Variants in MICU1 observed in about 807,000 individuals in gnomAD.
The protein encoded by MICU1 is calcium uptake protein 1, mitochondrial.
MICU1 carries 45 observed loss-of-function variants against 56.8 expected under a neutral mutation model. The observed-to-expected ratio is 0.79, with a 90% CI of 0.62 to 1.02. The LOEUF is 1.02. Among genes scored for constraint, MICU1 ranks in the 50% least tolerant of loss-of-function variants. The pLI, the probability that MICU1 is intolerant of heterozygous loss-of-function variation, is 0.00. For synonymous variants in MICU1, 186 were observed against 195.1 expected, an observed-to-expected ratio of 0.95 and a Z score of 0.39; for missense variants, 504 against 587.1, an observed-to-expected ratio of 0.86 and a Z score of 1.46.
At chr10:72,370,145 G>A (rs1182939089) in intron 11 of MICU1, among the ~76,000 whole-genome samples, 2 of 152,018 alleles carry the variant, frequency 1.3e-5, no homozygotes, top group African/African-American at 4.8e-5. Flanking sequence ...CCAAAGTGCT[G>A]GATTACAGGC....
rs761737913 is a variant in MICU1, at chr10:72,508,194, A to T, written c.613T>A (p.Ser205Thr). 8 of 1,550,448 alleles carry T rather than the reference A, an allele frequency of 5.2e-6. No homozygotes were observed. The highest frequency in any genetic ancestry group is 1.7e-4 in the Middle Eastern group (1 of 5,822). ...FYTLGECGLI[S>T]FSDYIFLTTV... Reference sequence around the variant, plus strand: ...GTGAGGAAAATGTAGTCTGAAAAGGATATGAGCCCACATTCTCCAAGGGTG... The same window carrying T: ...GTGAGGAAAATGTAGTCTGAAAAGGTTATGAGCCCACATTCTCCAAGGGTG... Residue 205 changes from serine to threonine, a missense_variant, in exon 6 of 12, where the codon TCC becomes ACC. Transcript: ENST00000361114.
chr10:72,532,296 C>A (rs183798927), intron 5 of MICU1, among the ~76,000 whole-genome samples: 3 of 150,770 alleles, frequency 2.0e-5, no homozygotes. Context: ...CCAGCCCAGG[C>A]GACAGAGCGA....
At chr10:72,436,140 G>A (rs1864709264) in intron 8 of MICU1, among the ~76,000 whole-genome samples, 1 of 152,232 alleles carries the variant, frequency 6.6e-6, no homozygotes, top group Non-Finnish European at 1.5e-5. Context: ...CCCAGTAGGG[G>A]CTGACAGACA....
chr10:72,424,997 T>A (rs1200228069), intron 8 of MICU1, among the ~76,000 whole-genome samples: 1 of 152,230 alleles, frequency 6.6e-6, no homozygotes, highest in African/African-American at 2.4e-5. Context: ...TTTTTGACAA[T>A]ACCAAAAGTT....
chr10:72,589,061 G>A (rs149821230), intron 1 of MICU1, among the ~76,000 whole-genome samples: 3,268 of 152,248 alleles, frequency 0.021, 113 homozygotes, highest in African/African-American at 0.075. Context: ...GCCGAGGTGG[G>A]TGGATCACCT....
intron 6 of MICU1, 97 bp downstream of exon 6, chr10:72,508,058 A>C (rs1306315955): frequency 3.6e-6 from 2 of 553,660 alleles, no homozygotes; most frequent in Admixed American, 8.4e-5. Context: ...TAATTCATTA[A>C]CTCTACCAAT....
intron 6 of MICU1, among the ~76,000 whole-genome samples, chr10:72,506,410 T>C (rs1042140245): frequency 2.0e-5 from 3 of 152,252 alleles, no homozygotes; most frequent in African/African-American, 7.2e-5. Flanking sequence ...TTTATACCAA[T>C]GCAGGTCTCT....
chr10:72,567,374 T>C (rs1420727407), intron 1 of MICU1, among the ~76,000 whole-genome samples: 1 of 152,016 alleles, frequency 6.6e-6, no homozygotes, highest in Non-Finnish European at 1.5e-5. Flanking sequence ...CAACAGGAAA[T>C]TTACTACTCA....
intron 3 of MICU1, among the ~76,000 whole-genome samples, chr10:72,559,427 CTA>C (rs1025685773): frequency 5.3e-5 from 8 of 151,454 alleles, no homozygotes; most frequent in Admixed American, 2.0e-4. Flanking sequence ...AAACTACAGA[CTA>C]TATAATTTTA....
At chr10:72,370,043 AT>A (rs1232482866) in intron 11 of MICU1, among the ~76,000 whole-genome samples, 1 of 151,696 alleles carries the variant, frequency 6.6e-6, no homozygotes, top group African/African-American at 2.4e-5. Context: ...TGCCCAGCTA[AT>A]TTTTTTTGTA....
chr10:72,500,302 A>ATAT (rs1867021751), intron 6 of MICU1, among the ~76,000 whole-genome samples: 2 of 10,670 alleles, frequency 1.9e-4, no homozygotes, highest in Non-Finnish European at 2.9e-4. Context: ...ATATATATAT[A>ATAT]TTTTTTTTTT....
intron 1 of MICU1, among the ~76,000 whole-genome samples, chr10:72,601,308 C>T (rs1223450176): frequency 6.6e-6 from 1 of 151,628 alleles, no homozygotes. Context: ...TTTGTGGTCT[C>T]AGCTACTCAA....
At chr10:72,588,974 A>G (rs1475556712) in intron 1 of MICU1, among the ~76,000 whole-genome samples, 2 of 152,194 alleles carry the variant, frequency 1.3e-5, no homozygotes, top group African/African-American at 2.4e-5. Flanking sequence ...GCCTTCATGT[A>G]TAAAAACAAT....
intron 5 of MICU1, among the ~76,000 whole-genome samples, chr10:72,510,092 T>C (rs997790255): frequency 3.3e-5 from 5 of 152,066 alleles, no homozygotes; most frequent in African/African-American, 9.7e-5. Context: ...ATAAATAACA[T>C]AGTGGAAGCC....
chr10:72,431,374 C>T (rs1240892806), intron 8 of MICU1, among the ~76,000 whole-genome samples: 1 of 152,186 alleles, frequency 6.6e-6, no homozygotes, highest in Non-Finnish European at 1.5e-5. Context: ...AAGTGATCCT[C>T]CCACCTTGGC....
chr10:72,546,004 T>G (rs772238592), intron 4 of MICU1, among the ~76,000 whole-genome samples: 10 of 152,158 alleles, frequency 6.6e-5, no homozygotes, highest in Non-Finnish European at 1.0e-4. Context: ...ACAAAGAGTA[T>G]AATGAGGCAT....
intron 8 of MICU1, among the ~76,000 whole-genome samples, chr10:72,467,101 C>T (rs371658307): frequency 6.6e-6 from 1 of 151,992 alleles, no homozygotes; most frequent in Non-Finnish European, 1.5e-5. Flanking sequence ...TGGGTCCAGG[C>T]GATTCTTGTG....
chr10:72,376,742 A>G (rs1013300647), intron 10 of MICU1, among the ~76,000 whole-genome samples: 1 of 152,144 alleles, frequency 6.6e-6, no homozygotes, highest in African/African-American at 2.4e-5. Context: ...ATGTATACAG[A>G]ATTTCTGTCT....
intron 10 of MICU1, among the ~76,000 whole-genome samples, chr10:72,392,894 T>C (rs977987950): frequency 1.3e-5 from 2 of 152,220 alleles, no homozygotes; most frequent in Non-Finnish European, 1.5e-5. Flanking sequence ...GACAGGGACA[T>C]CTGGGAGCAT....
Sources: gnomAD v4.1 joint callset for allele counts (sites outside exome capture counted in the v4.1 genomes callset) on GRCh38, gnomAD v4.1.1 for gene constraint, MANE v1.5 for transcripts, NCBI Gene and HGNC (gene_info 2026-07-23, HGNC 2026-07-21) for gene names.